PCDHGA10: variants seen among roughly 807,000 people sequenced by gnomAD.
The protein encoded by PCDHGA10 is protocadherin gamma-A10.
A neutral mutation model predicts 59.5 loss-of-function variants in PCDHGA10; 42 were observed. That is an observed-to-expected ratio of 0.71 (90% CI 0.55 to 0.91). The LOEUF (loss-of-function observed/expected upper bound fraction) is 0.91, where lower values mean the gene tolerates loss of function less well. Ranked by LOEUF, PCDHGA10 falls within the 40% of genes least tolerant of loss-of-function variation. PCDHGA10 has a pLI of 0.00. For synonymous variants in PCDHGA10, 511 were observed against 517.2 expected, an observed-to-expected ratio of 0.99 and a Z score of 0.16; for missense variants, 1,111 against 1,198.2, an observed-to-expected ratio of 0.93 and a Z score of 1.07.
chr5:141,509,144 G>A (rs969990007), intron 3 of PCDHGA10, among the ~76,000 whole-genome samples: 1 of 152,114 alleles, frequency 6.6e-6, no homozygotes, highest in African/African-American at 2.4e-5. Context: ...GGCGCATCCC[G>A]GCTCTCCCCT....
intron 1 of PCDHGA10, chr5:141,417,735 C>T (rs1408012587): frequency 1.4e-6 from 2 of 1,398,382 alleles, no homozygotes; most frequent in African/African-American, 2.9e-5. Flanking sequence ...CCTTGCCCAG[C>T]ACACCAGATT....
intron 1 of PCDHGA10, among the ~76,000 whole-genome samples, chr5:141,480,408 C>A (rs371569489): frequency 7.2e-6 from 1 of 138,932 alleles, no homozygotes; most frequent in African/African-American, 2.9e-5. Flanking sequence ...GAGTGAGACC[C>A]TGTCTCAAAA....
rs144695545 is a variant in PCDHGA10, at chr5:141,487,156, C to G, written c.2437-7651C>G. ...CACCACTCTCTACCTCTGTTACTCT[C>G]TTAGTGTCCTTAGAGGAAGACACTC... On this transcript the variant is annotated intron_variant, in intron 1 of 3. Transcript: ENST00000398610. This position sits in a 1 kb window ranked among gnomAD's most constrained non-coding sequence, Gnocchi z 5.0. 105 of 1,613,896 alleles carry G rather than the reference C, an allele frequency of 6.5e-5. No homozygotes were observed. In the African/African-American group the frequency reaches 1.2e-3, roughly 18 times the overall value.
rs1230717990 is a variant in PCDHGA10, at chr5:141,431,707, G to A, written c.2436+16096G>A. The A allele has an allele frequency of 6.2e-7, 1 of 1,614,232 alleles. No homozygotes were observed. Among genetic ancestry groups the A allele is most frequent in the South Asian group, 1.1e-5 (1 of 91,088 alleles). On this transcript the variant is annotated intron_variant, in intron 1 of 3. Coordinates refer to ENST00000398610, the MANE Select transcript of PCDHGA10 (RefSeq NM_018913.3). This position sits in a 1 kb window ranked among gnomAD's most constrained non-coding sequence, Gnocchi z 4.8. ...ACCACGAGGAGTCAGGATTCTACCAGATGGAAGTGCAAGCAATGGATAATG... is the reference window on the plus strand; with the variant it reads ...ACCACGAGGAGTCAGGATTCTACCAAATGGAAGTGCAAGCAATGGATAATG...
rs200576950 is a variant in PCDHGA10 at position 141,477,475 on chromosome 5, C to T, written c.2437-17332C>T. The T allele has an allele frequency of 1.2e-6, 2 of 1,614,124 alleles. No individual in the cohort carries two copies. Among genetic ancestry groups the T allele is most frequent in the African/African-American group, 2.7e-5 (2 of 75,010 alleles). ...TTCAAGTGTCCGACATCAATGACAACCCTCCACAATCTTCTCAATCTTCCT... is the reference window on the plus strand; with the variant it reads ...TTCAAGTGTCCGACATCAATGACAATCCTCCACAATCTTCTCAATCTTCCT... On this transcript the variant is annotated intron_variant, in intron 1 of 3. Transcript: ENST00000398610. The surrounding 1 kb of genome is among the most constrained non-coding windows in gnomAD (Gnocchi z 4.9).
At position 141,489,358 on chromosome 5, in the gene PCDHGA10, G is replaced by A; in HGVS notation, c.2437-5449G>A. On this transcript the variant is annotated intron_variant, in intron 1 of 3. Transcript: ENST00000398610. This position sits in a 1 kb window ranked among gnomAD's most constrained non-coding sequence, Gnocchi z 4.5. ...TCGTTACTCAGTGGTGGAGGAGTCT[G>A]AGCCGGGGACGCTGGTGGGGAATGT... 1 of 1,613,144 alleles carries A rather than the reference G, an allele frequency of 6.2e-7. No individual in the cohort carries two copies. The highest frequency in any genetic ancestry group is 8.5e-7 in the Non-Finnish European group (1 of 1,179,278).
rs1379095967 is a variant in PCDHGA10 at position 141,422,752 on chromosome 5, A to C, written c.2436+7141A>C. The C allele has an allele frequency of 6.2e-7, 1 of 1,612,064 alleles. No homozygotes were observed. The highest frequency in any genetic ancestry group is 1.3e-5 in the African/African-American group (1 of 74,892). On this transcript the variant is annotated intron_variant, in intron 1 of 3. Transcript: ENST00000398610. The stretch of plus-strand genomic sequence containing the variant: ...GCCTCTGTCCTCCTATGTCTCTATT[A>C]ACTCCAACACTGGTGTTCTCTATGC...
At chr5:141,447,725 C>G (rs1009407606) in intron 1 of PCDHGA10, among the ~76,000 whole-genome samples, 4 of 152,174 alleles carry the variant, frequency 2.6e-5, no homozygotes, top group African/African-American at 9.7e-5. Context: ...TTTTCCAAAA[C>G]TCATTGAACT....
chr5:141,419,419 C>A (rs767018815), intron 1 of PCDHGA10: 1 of 1,613,384 alleles, frequency 6.2e-7, no homozygotes. Context: ...AGCGCGCCTT[C>A]GACCACGAGC....
In PCDHGA10 at chr5:141,491,341, G is replaced by C. The variant is rs775712620; in HGVS notation, c.2437-3466G>C. ...TTACCTCATTGTGGCTCTAGCGACC[G>C]TCAGTCTCTTATCCCTAGTCACCTT... On this transcript the variant is annotated intron_variant, in intron 1 of 3. Transcript: ENST00000398610. This position sits in a 1 kb window ranked among gnomAD's most constrained non-coding sequence, Gnocchi z 6.9. 10 of 1,614,100 alleles carry C rather than the reference G, an allele frequency of 6.2e-6. No homozygotes were observed. In the East Asian group the frequency reaches 8.9e-5, roughly 14 times the overall value.
intron 1 of PCDHGA10, among the ~76,000 whole-genome samples, chr5:141,449,345 T>C (rs2154562594): frequency 1.3e-5 from 2 of 151,644 alleles, no homozygotes; most frequent in South Asian, 4.2e-4. Context: ...AGTGGCTCAC[T>C]CCTGTAATCC....
intron 1 of PCDHGA10, among the ~76,000 whole-genome samples, chr5:141,494,218 T>C (rs1224329242): frequency 1.3e-5 from 2 of 152,222 alleles, no homozygotes; most frequent in South Asian, 2.1e-4. Context: ...CAATCTGGCA[T>C]GACTCCTAAA....
At chr5:141,446,860 G>A (rs969206755) in intron 1 of PCDHGA10, among the ~76,000 whole-genome samples, 17 of 152,162 alleles carry the variant, frequency 1.1e-4, no homozygotes, top group African/African-American at 3.9e-4. Flanking sequence ...CTTCCTGATA[G>A]CTCTACACTG....
intron 1 of PCDHGA10, chr5:141,430,886 T>C: frequency 6.2e-7 from 1 of 1,605,190 alleles, no homozygotes; most frequent in Non-Finnish European, 8.5e-7. Context: ...GGAGAAAGGC[T>C]CTAGGGTGGG....
intron 1 of PCDHGA10, 143 bp from the exon 2 acceptor site, chr5:141,494,664 A>T: frequency 6.7e-7 from 1 of 1,500,298 alleles, no homozygotes; most frequent in Non-Finnish European, 8.9e-7. Flanking sequence ...GTCTTTGGAG[A>T]TGAGTCCACC....
chr5:141,438,625 TATATATATATACACAC>T (rs1232816129), intron 1 of PCDHGA10, among the ~76,000 whole-genome samples: 1,472 of 46,190 alleles, frequency 0.032, 16 homozygotes, highest in African/African-American at 0.13. Context: ...TATATATATA[TATATATATATACACAC>T]ACACACACAC....
chr5:141,431,351 C>A lies in PCDHGA10; in HGVS notation c.2436+15740C>A. On this transcript the variant is annotated intron_variant, in intron 1 of 3. Coordinates refer to ENST00000398610, the MANE Select transcript of PCDHGA10 (RefSeq NM_018913.3). The surrounding 1 kb of genome is among the most constrained non-coding windows in gnomAD (Gnocchi z 4.8). ...TAAGTACCCCGAATTGGTGCTGAAA[C>A]GCGCCCTGGACCGCGAAGAAAAGGC... The A allele has an allele frequency of 6.2e-7, 1 of 1,614,064 alleles. No individual in the cohort carries two copies. The highest frequency in any genetic ancestry group is 8.5e-7 in the Non-Finnish European group (1 of 1,180,042).
chr5:141,476,328 G>C lies in PCDHGA10; in HGVS notation c.2437-18479G>C, dbSNP rs1381722714. On this transcript the variant is annotated intron_variant, in intron 1 of 3. Coordinates refer to ENST00000398610, the MANE Select transcript of PCDHGA10 (RefSeq NM_018913.3). This position sits in a 1 kb window ranked among gnomAD's most constrained non-coding sequence, Gnocchi z 7.6. Reference sequence around the variant, plus strand: ...GCCCGCAGGTTCCGGGTGGTGTCTGGAGCTAGCCGAAGATTCTTTGAGGTG... The same window carrying C: ...GCCCGCAGGTTCCGGGTGGTGTCTGCAGCTAGCCGAAGATTCTTTGAGGTG... 1 of 1,614,176 alleles carries C rather than the reference G, an allele frequency of 6.2e-7. No individual in the cohort carries two copies. Among genetic ancestry groups the C allele is most frequent in the East Asian group, 2.2e-5 (1 of 44,864 alleles).
intron 1 of PCDHGA10, chr5:141,418,010 G>A: frequency 6.2e-7 from 1 of 1,613,914 alleles, no homozygotes; most frequent in African/African-American, 1.3e-5. Flanking sequence ...GGGGAACCTC[G>A]CTAAGGATCT....
Sources: allele counts gnomAD v4.1 joint callset (sites outside exome capture counted in the v4.1 genomes callset), GRCh38; gene constraint gnomAD v4.1.1; non-coding constraint Gnocchi (gnomAD v3.1); transcripts MANE v1.5; gene names NCBI Gene and HGNC (gene_info 2026-07-23, HGNC 2026-07-21).